The following MSRB2 variants were observed in gnomAD, a reference collection of about 807,000 sequenced individuals.
MSRB2 encodes the protein methionine sulfoxide reductase B2, also known as methionine-R-sulfoxide reductase B2, mitochondrial.
In MSRB2, 17 loss-of-function variants were observed where a neutral mutation model predicts 19.0. That is an observed-to-expected ratio of 0.89 (90% CI 0.61 to 1.34). MSRB2 has a LOEUF of 1.34. MSRB2 is among the 40% of genes most tolerant of loss of function. The probability of loss-of-function intolerance (pLI) is 0.00; values close to 1 mark genes in which losing one functional copy is unlikely to be tolerated. For synonymous variants in MSRB2, 107 were observed against 99.7 expected (o/e 1.07, Z -0.44); for missense variants, 208 against 237.6 (o/e 0.88, Z 0.82).
intron 3 of MSRB2, among the ~76,000 whole-genome samples, chr10:23,118,337 GTTTTTTT>G (rs35011086): frequency 1.1e-5 from 1 of 92,156 alleles, no homozygotes; most frequent in African/African-American, 4.4e-5. Flanking sequence ...TTAGTTTTTT[GTTTTTTT>G]TTTTTTTTTT....
At chr10:23,101,603 G>T (rs1321823001) in intron 1 of MSRB2, among the ~76,000 whole-genome samples, 1 of 152,166 alleles carries the variant, frequency 6.6e-6, no homozygotes, top group East Asian at 1.9e-4. Context: ...CATAGTGGTT[G>T]TACTAGTTTA....
intron 3 of MSRB2, among the ~76,000 whole-genome samples, chr10:23,118,766 T>C (rs1004397291): frequency 2.6e-5 from 4 of 152,176 alleles, no homozygotes; most frequent in African/African-American, 9.7e-5. Flanking sequence ...GTGAGCAAAC[T>C]GAGGCTTCAA....
intron 3 of MSRB2, among the ~76,000 whole-genome samples, chr10:23,115,325 T>TTTCATACAATTTCA: frequency 6.6e-6 from 1 of 152,322 alleles, no homozygotes; most frequent in South Asian, 2.1e-4. Context: ...TATTGTGGGA[T>TTTCATACAATTTCA]CACATATTTC....
At position 23,104,248 on chromosome 10, in the gene MSRB2, A is replaced by C. The variant is rs1375891383; in HGVS notation, c.219+4A>C. 8 of 1,611,698 alleles carry C rather than the reference A, an allele frequency of 5.0e-6. No individual in the cohort carries two copies. The highest frequency in any genetic ancestry group is 1.7e-5 in the Admixed American group (1 of 59,514). ...AAGAGAAAAGGGAACGGAACCGGTA[A>C]GCTAAGCTGGTTTACAGTTTTCTGA... On this transcript the variant is annotated splice_donor_region_variant and intron_variant, in intron 2 of 4. Coordinates refer to ENST00000376510, the MANE Select transcript of MSRB2 (RefSeq NM_012228.4).
chr10:23,103,864 G>T (rs562269328), intron 1 of MSRB2, among the ~76,000 whole-genome samples: 1 of 152,166 alleles, frequency 6.6e-6, no homozygotes, highest in African/African-American at 2.4e-5. Context: ...AATGTATTCC[G>T]CATTCTTTCA....
chr10:23,116,274 C>T (rs116420987), intron 3 of MSRB2, among the ~76,000 whole-genome samples: 233 of 152,200 alleles, frequency 1.5e-3, no homozygotes, highest in African/African-American at 5.5e-3. Context: ...GGGTTACAGC[C>T]TTCAAGGTGG....
chr10:23,110,389 G>A (rs530726723), intron 3 of MSRB2, 71 bp downstream of exon 3: 20 of 1,253,044 alleles, frequency 1.6e-5, no homozygotes, highest in Non-Finnish European at 2.2e-5. Context: ...TTTCATTTGA[G>A]ATCTTGGATA....
chr10:23,096,352 CTGTGTGTGTG>C (rs767702970), intron 1 of MSRB2, among the ~76,000 whole-genome samples: 2 of 142,750 alleles, frequency 1.4e-5, no homozygotes, highest in African/African-American at 5.5e-5. Context: ...CTCTCTCTCT[CTGTGTGTGTG>C]TGTGTGTGTG....
intron 3 of MSRB2, among the ~76,000 whole-genome samples, chr10:23,118,045 A>C (rs996078331): frequency 6.6e-6 from 1 of 152,170 alleles, no homozygotes; most frequent in Non-Finnish European, 1.5e-5. Context: ...GATAAGGGGC[A>C]CTCAACCTAT....
Position 23,110,229 on chromosome 10 carries a change from A to G in MSRB2, c.220-13A>G, listed in dbSNP as rs746603418. On this transcript the variant is annotated splice_polypyrimidine_tract_variant and intron_variant, in intron 2 of 4. Transcript: ENST00000376510. Reference sequence around the variant, plus strand: ...TGAGAAATCTGAACATGACATATCTAATTTACTTTCAGCCTTTCAGTGGGA... The same window carrying G: ...TGAGAAATCTGAACATGACATATCTGATTTACTTTCAGCCTTTCAGTGGGA... The G allele has an allele frequency of 1.2e-6, 2 of 1,607,462 alleles. No homozygotes were observed. The highest frequency in any genetic ancestry group is 2.7e-5 in the African/African-American group (2 of 74,794).
At position 23,120,950 on chromosome 10, in the gene MSRB2, A is replaced by G. The variant is rs1039542409; in HGVS notation, c.*88A>G. The G allele has an allele frequency of 1.3e-5, 14 of 1,043,240 alleles. No homozygotes were observed. Among genetic ancestry groups the G allele is most frequent in the Middle Eastern group, 2.0e-4 (1 of 4,884 alleles). The allele number at this position is 1,043,240 out of a possible 1,614,324, so 64.6% of individuals were successfully genotyped here. On this transcript the variant is annotated 3_prime_UTR_variant, in exon 5 of 5. Coordinates refer to ENST00000376510, the MANE Select transcript of MSRB2 (RefSeq NM_012228.4). ...ACTTGAATGACTTGTTTTATTTGCAATAAAACTGGGCTGAATTTGCTGCTG... is the reference window on the plus strand; with the variant it reads ...ACTTGAATGACTTGTTTTATTTGCAGTAAAACTGGGCTGAATTTGCTGCTG...
intron 3 of MSRB2, among the ~76,000 whole-genome samples, chr10:23,118,576 A>C (rs932783470): frequency 1.3e-5 from 2 of 151,798 alleles, no homozygotes; most frequent in Non-Finnish European, 2.9e-5. Flanking sequence ...GTTAGGTTTC[A>C]CTGCAGTGAT....
At chr10:23,120,070 T>G (rs946328975) in intron 4 of MSRB2, among the ~76,000 whole-genome samples, 1 of 152,224 alleles carries the variant, frequency 6.6e-6, no homozygotes, top group African/African-American at 2.4e-5. Context: ...TGAGCAGGGA[T>G]AAGGAGCAGG....
chr10:23,105,696 G>C (rs1318784908), intron 2 of MSRB2, among the ~76,000 whole-genome samples: 1 of 152,174 alleles, frequency 6.6e-6, no homozygotes, highest in Non-Finnish European at 1.5e-5. Flanking sequence ...CCCCAGCCCT[G>C]TGGCTTCAAA....
intron 1 of MSRB2, among the ~76,000 whole-genome samples, chr10:23,100,690 G>A (rs1028598556): frequency 1.2e-4 from 18 of 152,120 alleles, no homozygotes; most frequent in Admixed American, 4.6e-4. Flanking sequence ...CACGAGAACA[G>A]CACCAAAGGG....
At chr10:23,105,663 T>A (rs1839980908) in intron 2 of MSRB2, among the ~76,000 whole-genome samples, 1 of 152,208 alleles carries the variant, frequency 6.6e-6, no homozygotes, top group South Asian at 2.1e-4. Context: ...TTTTTACTAG[T>A]GAAGCAGATC....
chr10:23,110,188 A>G, intron 2 of MSRB2, 54 bp from the exon 3 acceptor site: 2 of 1,415,828 alleles, frequency 1.4e-6, no homozygotes, highest in African/African-American at 1.4e-5. Context: ...TGCTGTTTCA[A>G]CTCCTGCCAG....
chr10:23,119,299 C>T lies in MSRB2; in HGVS notation c.297-5C>T. Reference sequence around the variant, plus strand: ...CAGCTGTAGTATCGTTTATGTCTTCCACAGTTCTGAGAAAAAGTACTGCTC... The same window carrying T: ...CAGCTGTAGTATCGTTTATGTCTTCTACAGTTCTGAGAAAAAGTACTGCTC... On this transcript the variant is annotated splice_region_variant and splice_polypyrimidine_tract_variant and intron_variant, in intron 3 of 4. Transcript: ENST00000376510. 6.2e-7 allele frequency: 1 copy of T among 1,613,700 alleles called. No individual in the cohort carries two copies.
chr10:23,100,865 G>A (rs1839919564), intron 1 of MSRB2, among the ~76,000 whole-genome samples: 1 of 152,212 alleles, frequency 6.6e-6, no homozygotes, highest in East Asian at 1.9e-4. Context: ...GTAGGTATTA[G>A]TAAGTGTGAT....
Sources: allele counts gnomAD v4.1 joint callset (sites outside exome capture counted in the v4.1 genomes callset), GRCh38; gene constraint gnomAD v4.1.1; transcripts MANE v1.5; gene names NCBI Gene and HGNC (gene_info 2026-07-23, HGNC 2026-07-21).